The following TRANK1 variants were observed in gnomAD, a reference collection of about 807,000 sequenced individuals.
TRANK1 encodes TPR and ankyrin repeat-containing protein 1.
In TRANK1, 198 loss-of-function variants were observed where a neutral mutation model predicts 266.0. The ratio of observed to expected loss-of-function variants is 0.74; its 90% confidence interval spans 0.66 to 0.84. TRANK1 has a LOEUF of 0.84. Ranked by LOEUF, TRANK1 falls within the 40% of genes least tolerant of loss-of-function variation. TRANK1 has a pLI of 0.00. For missense variants in TRANK1, 3,326 were observed against 3,634.6 expected (o/e 0.92, Z 2.18); for synonymous variants, 1,396 against 1,384.1 (o/e 1.01, Z -0.19).
intron 9 of TRANK1, among the ~76,000 whole-genome samples, chr3:36,873,216 A>G (rs1407615764): frequency 6.6e-6 from 1 of 152,240 alleles, no homozygotes. Context: ...CAAATTATCC[A>G]TCAATATGAG....
At chr3:36,850,798 C>T (rs2125534755) in intron 15 of TRANK1, 1 of 985,360 alleles carries the variant, frequency 1.0e-6, no homozygotes, top group East Asian at 1.1e-4. Context: ...AGGAAGGACT[C>T]TATCTAAAGG....
chr3:36,939,760 T>C (rs560440579), intron 1 of TRANK1, among the ~76,000 whole-genome samples: 2 of 152,326 alleles, frequency 1.3e-5, no homozygotes, highest in South Asian at 4.1e-4. Flanking sequence ...CAGGTACATC[T>C]GTAAAATGGT....
intron 10 of TRANK1, among the ~76,000 whole-genome samples, chr3:36,862,241 G>A (rs1477291030): frequency 6.6e-6 from 1 of 152,132 alleles, no homozygotes; most frequent in East Asian, 1.9e-4. Flanking sequence ...CACTAAGAAA[G>A]CAGGGAGGAA....
At chr3:36,835,660 T>TA (rs1041653710) in intron 20 of TRANK1, among the ~76,000 whole-genome samples, 3 of 152,112 alleles carry the variant, frequency 2.0e-5, no homozygotes, top group African/African-American at 4.8e-5. Context: ...AGCTAACTTT[T>TA]AAAAAAATAA....
intron 8 of TRANK1, 34 bp from the exon 9 acceptor site, chr3:36,874,330 C>A: frequency 6.5e-7 from 1 of 1,529,282 alleles, no homozygotes; most frequent in South Asian, 1.2e-5. Context: ...GGGTGTTTGT[C>A]ATGGTTCCTT....
Position 36,838,699 on chromosome 3 carries a change from G to T in TRANK1, c.5298C>A (p.Tyr1766Ter), listed in dbSNP as rs2078803604. ...HQCWKVAAKC[Y>*]QKGGAFEKEK... ...CCTTCTCAAATGCACCTCCTTTCTG[G>T]TAACACTTGGCTGCAACCTGGAATA... Residue 1766 changes from tyrosine (Y) to a stop codon, truncating the protein, a stop_gained, in exon 19 of 24, where the codon TAC becomes TAA. Transcript: ENST00000645898. LOFTEE classifies it high-confidence loss of function. 6 of 1,613,416 alleles carry T rather than the reference G, an allele frequency of 3.7e-6. No homozygotes were observed. Among genetic ancestry groups the T allele is most frequent in the African/African-American group, 1.3e-5 (1 of 74,904 alleles).
chr3:36,833,823 A>C lies in TRANK1; in HGVS notation c.5760T>G (p.Ser1920Arg). 6.2e-7 allele frequency: 1 copy of C among 1,613,938 alleles called. No homozygotes were observed. Among genetic ancestry groups the C allele is most frequent in the Non-Finnish European group, 8.5e-7 (1 of 1,179,876 alleles). ...CCATCATTTCCTTCATCTTATTTGC[A>C]CTCAGATACTTTGCTGCAGCTTCCA... ...FYLEAAAKYL[S>R]ANKMKEMMAV... Residue 1920 changes from serine to arginine, a missense_variant, in exon 22 of 24, where the codon AGT (serine) becomes AGG (arginine). By Grantham distance (110) the Ser-to-Arg change is moderately radical. Transcript: ENST00000645898.
intron 9 of TRANK1, among the ~76,000 whole-genome samples, chr3:36,866,026 A>AAGAG (rs1174930935): frequency 6.7e-6 from 1 of 149,508 alleles, no homozygotes; most frequent in Non-Finnish European, 1.5e-5. Context: ...GACAGAAAGA[A>AAGAG]AGAGAGAGAG....
rs954404195 is a variant in TRANK1, at chr3:36,939,260, T to C, written c.23+5527A>G. Among the ~76,000 whole-genome samples the C allele has an allele frequency of 2.6e-4, 37 of 139,906 alleles. No homozygotes were observed. In the Middle Eastern group the frequency reaches 0.011, roughly 42 times the overall value. 91.8% of individuals were successfully genotyped at this position (139,906 alleles called of 152,430 possible). A position where few individuals can be genotyped will look rare whatever the true frequency, so the allele number is the denominator to read the frequency against. ...AATAGTTCAGATTCCCATTCTAACA[T>C]ACACACACACACACACACACACACA... On this transcript the variant is annotated intron_variant, in intron 1 of 23. Coordinates refer to ENST00000645898, the MANE Select transcript of TRANK1 (RefSeq NM_001329998.2).
intron 10 of TRANK1, among the ~76,000 whole-genome samples, chr3:36,862,435 G>A (rs1559437243): frequency 6.6e-6 from 1 of 152,102 alleles, no homozygotes; most frequent in Non-Finnish European, 1.5e-5. Flanking sequence ...TATTTTAATA[G>A]GAATCAGAAT....
At chr3:36,938,285 C>G (rs888438377) in intron 1 of TRANK1, among the ~76,000 whole-genome samples, 1 of 152,112 alleles carries the variant, frequency 6.6e-6, no homozygotes. Context: ...GTGGCCTGGT[C>G]TCGGCTCACT....
rs1291249724 is a variant in TRANK1, at chr3:36,856,334, C to G, written c.3388G>C (p.Gly1130Arg). 6.4e-7 allele frequency: 1 copy of G among 1,573,352 alleles called. No individual in the cohort carries two copies. Among genetic ancestry groups the G allele is most frequent in the Non-Finnish European group, 8.6e-7 (1 of 1,159,544 alleles). Residue 1130 changes from glycine (G) to arginine (R), a missense_variant, in exon 13 of 24, where the codon GGG (glycine) becomes CGG (arginine). Coordinates refer to ENST00000645898, the MANE Select transcript of TRANK1 (RefSeq NM_001329998.2). ...TCCTCTTCCTCCTCCTCTTCCTCCC[C>G]ACCTGGACTCTCTTTTCCGGGTTCC... ...EVEPGKESPG[G>R]EEEEEEEDEE...
intron 8 of TRANK1, among the ~76,000 whole-genome samples, chr3:36,877,249 C>T (rs935972441): frequency 6.6e-6 from 1 of 152,180 alleles, no homozygotes; most frequent in Admixed American, 6.5e-5. Context: ...TACGCTTTTA[C>T]TTGTACATCA....
At position 36,855,055 on chromosome 3, in the gene TRANK1, A is replaced by G. The variant is rs1040244814; in HGVS notation, c.4549+118T>C. 3.3e-5 allele frequency: 31 copies of G among 952,162 alleles called. No homozygotes were observed. In the Admixed American group the frequency reaches 6.6e-4, roughly 20 times the overall value. The allele number at this position is 952,162 out of a possible 1,614,324, so 59.0% of individuals were successfully genotyped here. On this transcript the variant is annotated intron_variant, in intron 13 of 23. Coordinates refer to ENST00000645898, the MANE Select transcript of TRANK1 (RefSeq NM_001329998.2). ...ATGAGCGTATTTACTAACAAATTCC[A>G]AAATACTACCCTTACTTCAGCTGTA...
intron 9 of TRANK1, among the ~76,000 whole-genome samples, chr3:36,869,588 G>A (rs6550437): frequency 0.23 from 35,487 of 152,166 alleles, 4,738 homozygotes; most frequent in East Asian, 0.56. Flanking sequence ...ATTAGGATGG[G>A]GAAGGATTAA....
chr3:36,828,929 G>C (rs955250919), intron 23 of TRANK1, among the ~76,000 whole-genome samples: 4 of 152,176 alleles, frequency 2.6e-5, no homozygotes, highest in Admixed American at 2.6e-4. Flanking sequence ...TTTTCCAGGG[G>C]CATCTGCGGT....
intron 1 of TRANK1, among the ~76,000 whole-genome samples, chr3:36,918,695 T>A (rs1211043903): frequency 1.4e-5 from 2 of 140,452 alleles, no homozygotes; most frequent in Non-Finnish European, 3.1e-5. Context: ...GAAACGCCAA[T>A]GTAAACAAAT....
chr3:36,890,499 G>C (rs558723936), intron 7 of TRANK1, among the ~76,000 whole-genome samples: 2 of 152,272 alleles, frequency 1.3e-5, no homozygotes, highest in South Asian at 4.1e-4. Context: ...ACCTCTCTGG[G>C]AAGTGGTTTC....
At position 36,856,196 on chromosome 3, in the gene TRANK1, C is replaced by A; in HGVS notation, c.3526G>T (p.Ala1176Ser). ...GGATGTTCTGGTGCACATACTTCTG[C>A]AGCTTGGCCGTCCCCTGCTGGCTCC... The part of the protein sequence containing the change: ...GVEPAGDGQA[A>S]EVCAPEHPHQ... The change falls in exon 13 of 24, where the codon GCA (alanine) becomes TCA (serine). Residue 1176 changes from alanine to serine, a missense_variant. Coordinates refer to ENST00000645898, the MANE Select transcript of TRANK1 (RefSeq NM_001329998.2). 2 of 1,613,958 alleles carry A rather than the reference C, an allele frequency of 1.2e-6. No homozygotes were observed. Among genetic ancestry groups the A allele is most frequent in the Non-Finnish European group, 1.7e-6 (2 of 1,179,878 alleles).
Sources: allele counts gnomAD v4.1 joint callset (sites outside exome capture counted in the v4.1 genomes callset), GRCh38; gene constraint gnomAD v4.1.1; transcripts MANE v1.5; gene names NCBI Gene and HGNC (gene_info 2026-07-23, HGNC 2026-07-21).